The following DPYSL5 variants were observed in gnomAD, a reference collection of about 807,000 sequenced individuals.
DPYSL5 encodes dihydropyrimidinase-related protein 5.
In DPYSL5, 9 loss-of-function variants were observed where a neutral mutation model predicts 58.4. That is an observed-to-expected ratio of 0.15 (90% CI 0.09 to 0.27). The LOEUF (loss-of-function observed/expected upper bound fraction) is 0.27. DPYSL5 is among the 10% of genes least tolerant of loss of function. DPYSL5 has a pLI of 1.00. For missense variants in DPYSL5, 499 were observed against 770.6 expected (o/e 0.65, Z 4.17); for synonymous variants, 293 against 301.9 (o/e 0.97, Z 0.31).
In DPYSL5 at chr2:26,932,212, G is replaced by GAAAGAAAGAAAGAAAGA. The variant is rs1665049640; in HGVS notation, c.714+531_714+547dup. 1.3e-3 allele frequency among the ~76,000 whole-genome samples: 76 copies of GAAAGAAAGAAAGAAAGA among 58,518 alleles called. 1 individual carries two copies. The highest frequency in any genetic ancestry group is 2.0e-3 in the Non-Finnish European group (57 of 28,164). 38.4% of individuals were successfully genotyped at this position (58,518 alleles called of 152,430 possible). A position where few individuals can be genotyped will look rare whatever the true frequency, so the allele number is the denominator to read the frequency against. Reference sequence around the variant, plus strand: ...GAAAGAAAGAAAGAAAGAAAGAAAAGAAAGAAAGAAAGAAAGAAAGAAAAC... The same window carrying GAAAGAAAGAAAGAAAGA: ...GAAAGAAAGAAAGAAAGAAAGAAAAGAAAGAAAGAAAGAAAGAAAAGAAAGAAAGAAAGAAAGAAAAC... On this transcript the variant is annotated intron_variant, in intron 6 of 12. Transcript: ENST00000288699.
intron 1 of DPYSL5, among the ~76,000 whole-genome samples, chr2:26,871,261 G>C (rs1341951946): frequency 6.6e-6 from 1 of 152,058 alleles, no homozygotes; most frequent in African/African-American, 2.4e-5. Context: ...CTCCTAACTT[G>C]AGTTGCTTAC....
chr2:26,872,561 G>A (rs1037364456), intron 1 of DPYSL5, among the ~76,000 whole-genome samples: 4 of 152,058 alleles, frequency 2.6e-5, no homozygotes, highest in African/African-American at 7.2e-5. Flanking sequence ...GTGGTGGTGC[G>A]TGCCTGTAAT....
At chr2:26,883,480 C>T (rs1328601718) in intron 1 of DPYSL5, among the ~76,000 whole-genome samples, 2 of 152,196 alleles carry the variant, frequency 1.3e-5, no homozygotes, top group African/African-American at 4.8e-5. Flanking sequence ...CTCACTGCAA[C>T]CTCCGATCCC....
At chr2:26,904,757 G>A (rs1409100812) in intron 2 of DPYSL5, among the ~76,000 whole-genome samples, 3 of 152,166 alleles carry the variant, frequency 2.0e-5, no homozygotes, top group African/African-American at 7.2e-5. Context: ...ACAAAAATTA[G>A]CCAGGCGTGG....
chr2:26,942,019 C>A lies in DPYSL5; in HGVS notation c.1159C>A (p.Leu387Met). ...TSSNAAKLLN[L>M]YPRKGRIIPG... ...TTCCAACGCAGCTAAGCTTCTGAACCTGTATCCCCGCAAGGGCCGCATTAT... is the reference window on the plus strand; with the variant it reads ...TTCCAACGCAGCTAAGCTTCTGAACATGTATCCCCGCAAGGGCCGCATTAT... Residue 387 changes from leucine to methionine, a missense_variant, in exon 10 of 13, where the codon CTG becomes ATG. Coordinates refer to ENST00000288699, the MANE Select transcript of DPYSL5 (RefSeq NM_020134.4). The surrounding 1 kb of genome is among the most constrained non-coding windows in gnomAD (Gnocchi z 5.9). 1 of 1,614,210 alleles carries A rather than the reference C, an allele frequency of 6.2e-7. No homozygotes were observed. Among genetic ancestry groups the A allele is most frequent in the Non-Finnish European group, 8.5e-7 (1 of 1,180,046 alleles).
At chr2:26,861,802 G>GA (rs1175956571) in intron 1 of DPYSL5, among the ~76,000 whole-genome samples, 3 of 152,182 alleles carry the variant, frequency 2.0e-5, no homozygotes, top group Non-Finnish European at 4.4e-5. Flanking sequence ...ATCTTTGAAT[G>GA]TGGCAGGACC....
intron 1 of DPYSL5, among the ~76,000 whole-genome samples, chr2:26,889,426 C>G (rs182628744): frequency 6.6e-6 from 1 of 152,062 alleles, no homozygotes; most frequent in Admixed American, 6.5e-5. Flanking sequence ...CCAGCCACCA[C>G]GCCCGGCTAA....
Position 26,947,556 on chromosome 2 carries a change from C to T in DPYSL5, c.*561C>T, listed in dbSNP as rs543223089. 1 of 152,970 alleles carries T rather than the reference C, an allele frequency of 6.5e-6. No individual in the cohort carries two copies. Among genetic ancestry groups the T allele is most frequent in the South Asian group, 2.1e-4 (1 of 4,834 alleles). 9.5% of individuals were successfully genotyped at this position (152,970 alleles called of 1,614,324 possible). A position where few individuals can be genotyped will look rare whatever the true frequency, so the allele number is the denominator to read the frequency against. ...GGGGCAGGGATGGGGGTGGCTGGGA[C>T]TCCTGGTGCCCCTCGCCAGCTTCTC... On this transcript the variant is annotated 3_prime_UTR_variant, in exon 13 of 13. Coordinates refer to ENST00000288699, the MANE Select transcript of DPYSL5 (RefSeq NM_020134.4). This position sits in a 1 kb window ranked among gnomAD's most constrained non-coding sequence, Gnocchi z 4.2.
At chr2:26,853,492 G>T (rs1665804302) in intron 1 of DPYSL5, among the ~76,000 whole-genome samples, 1 of 152,104 alleles carries the variant, frequency 6.6e-6, no homozygotes, top group Non-Finnish European at 1.5e-5. Flanking sequence ...AAGTAAAAAG[G>T]ACACCCAGAT....
At chr2:26,906,853 T>C (rs1041205278) in intron 2 of DPYSL5, among the ~76,000 whole-genome samples, 3 of 151,962 alleles carry the variant, frequency 2.0e-5, no homozygotes, top group Admixed American at 1.3e-4. Flanking sequence ...GTCAACCACC[T>C]GGGCTCAAGC....
rs768249172 is a variant in DPYSL5, at chr2:26,940,021, C to G, written c.948-10C>G. 174 of 1,614,002 alleles carry G rather than the reference C, an allele frequency of 1.1e-4. No homozygotes were observed. Among genetic ancestry groups the G allele is most frequent in the Non-Finnish European group, 1.4e-4 (169 of 1,180,008 alleles). ...CTCCCCTTACTGGTCACCTCCTTTT[C>G]TCTACCCAGTGACACTCTGAACATC... On this transcript the variant is annotated splice_polypyrimidine_tract_variant and intron_variant, in intron 8 of 12. Coordinates refer to ENST00000288699, the MANE Select transcript of DPYSL5 (RefSeq NM_020134.4).
chr2:26,890,017 CTT>C (rs1663833403), intron 1 of DPYSL5, among the ~76,000 whole-genome samples: 1 of 152,160 alleles, frequency 6.6e-6, no homozygotes, highest in African/African-American at 2.4e-5. Context: ...ATCTTGGGGA[CTT>C]AGGCTACTTG....
chr2:26,849,919 T>A lies in DPYSL5; in HGVS notation c.-5+1665T>A, dbSNP rs1665706460. Reference sequence around the variant, plus strand: ...TGCAGCGCCGCCGCCCGCCCCGCGCTGTCCACCCGCTGCCGAGACGCGGCG... The same window carrying A: ...TGCAGCGCCGCCGCCCGCCCCGCGCAGTCCACCCGCTGCCGAGACGCGGCG... On this transcript the variant is annotated intron_variant, in intron 1 of 12. Coordinates refer to ENST00000288699, the MANE Select transcript of DPYSL5 (RefSeq NM_020134.4). The surrounding 1 kb of genome is among the most constrained non-coding windows in gnomAD (Gnocchi z 6.2). Among the ~76,000 whole-genome samples the A allele has an allele frequency of 4.6e-5, 7 of 152,244 alleles. No homozygotes were observed.
At chr2:26,863,992 T>G (rs567227149) in intron 1 of DPYSL5, among the ~76,000 whole-genome samples, 48 of 152,276 alleles carry the variant, frequency 3.2e-4, no homozygotes, top group African/African-American at 1.2e-3. Flanking sequence ...CTTGTAATCA[T>G]AGCACTTTGA....
intron 1 of DPYSL5, among the ~76,000 whole-genome samples, chr2:26,853,996 C>T (rs1665818020): frequency 6.6e-6 from 1 of 151,970 alleles, no homozygotes; most frequent in African/African-American, 2.4e-5. Flanking sequence ...GCTGTGATTA[C>T]ACCACTGCAC....
rs945364844 is a variant in DPYSL5, at chr2:26,849,875, C to T, written c.-5+1621C>T. Among the ~76,000 whole-genome samples, 18 of 152,230 alleles carry T rather than the reference C, an allele frequency of 1.2e-4. No individual in the cohort carries two copies. Among genetic ancestry groups the T allele is most frequent in the South Asian group, 2.1e-4 (1 of 4,836 alleles). On this transcript the variant is annotated intron_variant, in intron 1 of 12. Coordinates refer to ENST00000288699, the MANE Select transcript of DPYSL5 (RefSeq NM_020134.4). The surrounding 1 kb of genome is among the most constrained non-coding windows in gnomAD (Gnocchi z 6.2). ...CCTGCAGACAGCCACCCCCCCACTCCGGCTCGGGTGCCTTCTGGTGCAGCG... is the reference window on the plus strand; with the variant it reads ...CCTGCAGACAGCCACCCCCCCACTCTGGCTCGGGTGCCTTCTGGTGCAGCG...
chr2:26,933,157 G>C lies in DPYSL5; in HGVS notation c.715-101G>C, dbSNP rs1390220345. On this transcript the variant is annotated intron_variant, in intron 6 of 12. Coordinates refer to ENST00000288699, the MANE Select transcript of DPYSL5 (RefSeq NM_020134.4). This position sits in a 1 kb window ranked among gnomAD's most constrained non-coding sequence, Gnocchi z 4.2. ...TTGAGGGTGGGGTTGAGTGACGCAG[G>C]GGGAGGCGCTGGTGCCAGGGCTGAC... 2 of 1,012,862 alleles carry C rather than the reference G, an allele frequency of 2.0e-6. No homozygotes were observed. The highest frequency in any genetic ancestry group is 3.1e-6 in the Non-Finnish European group (2 of 636,006). The allele number at this position is 1,012,862 out of a possible 1,614,324, so 62.7% of individuals were successfully genotyped here. A position where few individuals can be genotyped will look rare whatever the true frequency, so the allele number is the denominator to read the frequency against.
chr2:26,944,528 C>A lies in DPYSL5; in HGVS notation c.1441-128C>A. On this transcript the variant is annotated intron_variant, in intron 11 of 12. Transcript: ENST00000288699. This position sits in a 1 kb window ranked among gnomAD's most constrained non-coding sequence, Gnocchi z 4.4. ...ATGTTTAAGAAGCCTTGGTCACTTG[C>A]AGTGATTTGGGTCTTGGGCAGAGTG... 3 of 1,032,260 alleles carry A rather than the reference C, an allele frequency of 2.9e-6. No individual in the cohort carries two copies. Among genetic ancestry groups the A allele is most frequent in the Non-Finnish European group, 4.3e-6 (3 of 705,656 alleles). 63.9% of individuals were successfully genotyped at this position (1,032,260 alleles called of 1,614,324 possible).
At chr2:26,887,832 G>T (rs1663758184) in intron 1 of DPYSL5, among the ~76,000 whole-genome samples, 1 of 152,090 alleles carries the variant, frequency 6.6e-6, no homozygotes, top group Non-Finnish European at 1.5e-5. Context: ...ATCCCAGCTT[G>T]CACATCACCT....
Sources: allele counts gnomAD v4.1 joint callset (sites outside exome capture counted in the v4.1 genomes callset), GRCh38; gene constraint gnomAD v4.1.1; non-coding constraint Gnocchi (gnomAD v3.1); transcripts MANE v1.5; gene names NCBI Gene and HGNC (gene_info 2026-07-23, HGNC 2026-07-21).